ST8SIA5: variants seen among roughly 807,000 people sequenced by gnomAD.
ST8SIA5 encodes the protein alpha-2,8-sialyltransferase 8E.
In ST8SIA5, 24 loss-of-function variants were observed where a neutral mutation model predicts 40.2. That is an observed-to-expected ratio of 0.60 (90% CI 0.43 to 0.84). The LOEUF (loss-of-function observed/expected upper bound fraction) is 0.84, where lower values mean the gene tolerates loss of function less well. ST8SIA5 is among the 40% of genes least tolerant of loss of function. ST8SIA5 has a pLI of 0.00. For missense variants in ST8SIA5, 465 were observed against 498.5 expected, an observed-to-expected ratio of 0.93 and a Z score of 0.64; for synonymous variants, 198 against 201.8, an observed-to-expected ratio of 0.98 and a Z score of 0.16.
chr18:46,721,251 C>T (rs2039859710), intron 1 of ST8SIA5: 2 of 966,086 alleles, frequency 2.1e-6, no homozygotes, highest in African/African-American at 1.6e-5. Flanking sequence ...TTCGAGCCAC[C>T]AGAACAAGAC....
rs60349555 is a variant in ST8SIA5 at position 46,696,190 on chromosome 18, C to T, written c.225-3935G>A. Among the ~76,000 whole-genome samples, 547 of 152,274 alleles carry T rather than the reference C, an allele frequency of 3.6e-3. 2 individuals carry two copies. The highest frequency in any genetic ancestry group is 0.013 in the African/African-American group (526 of 41,554). The stretch of plus-strand genomic sequence containing the variant: ...CCCCAGCCTGGCAGCTTTCCTCCTC[C>T]CACCCTGGCTGACAGAAGGCAAACC... On this transcript the variant is annotated intron_variant, in intron 2 of 6. Transcript: ENST00000315087.
At chr18:46,752,572 G>A (rs1474944133) in intron 1 of ST8SIA5, among the ~76,000 whole-genome samples, 1 of 152,146 alleles carries the variant, frequency 6.6e-6, no homozygotes, top group Non-Finnish European at 1.5e-5. Context: ...CCTGACCAAG[G>A]GAGGTGCTGC....
intron 2 of ST8SIA5, among the ~76,000 whole-genome samples, chr18:46,699,661 GA>G (rs1421768215): frequency 6.6e-6 from 1 of 152,154 alleles, no homozygotes; most frequent in Non-Finnish European, 1.5e-5. Context: ...TTACAGGCAT[GA>G]GCCACCGCGC....
rs191006323 is a variant in ST8SIA5, at chr18:46,678,536, G to A, written c.*1506C>T. On this transcript the variant is annotated 3_prime_UTR_variant, in exon 7 of 7. Transcript: ENST00000315087. ...ACGTGGGACTGGGTCTATAATCTCTGGGCCCTGCACCCCCAGAAGACACAG... is the reference window on the plus strand; with the variant it reads ...ACGTGGGACTGGGTCTATAATCTCTAGGCCCTGCACCCCCAGAAGACACAG... 6.0e-3 allele frequency: 915 copies of A among 152,398 alleles called. 23 individuals carry two copies. The highest frequency in any genetic ancestry group is 3.5e-3 in the Non-Finnish European group (235 of 68,102). The allele number at this position is 152,398 out of a possible 1,614,324, so 9.4% of individuals were successfully genotyped here.
intron 1 of ST8SIA5, among the ~76,000 whole-genome samples, chr18:46,743,599 T>C (rs1475554546): frequency 6.6e-6 from 1 of 152,168 alleles, no homozygotes; most frequent in Non-Finnish European, 1.5e-5. Flanking sequence ...TTGGTGTACC[T>C]GAAAGTGAGG....
chr18:46,685,961 A>G (rs565322501), intron 5 of ST8SIA5: 25 of 588,402 alleles, frequency 4.2e-5, no homozygotes, highest in Non-Finnish European at 5.8e-5. Flanking sequence ...CACATCTCCC[A>G]TTGTGCAGAT....
chr18:46,686,259 T>C lies in ST8SIA5; in HGVS notation c.484A>G (p.Lys162Glu), dbSNP rs1224975946. 1 of 1,614,098 alleles carries C rather than the reference T, an allele frequency of 6.2e-7. No individual in the cohort carries two copies. The highest frequency in any genetic ancestry group is 1.1e-5 in the South Asian group (1 of 91,066). ...CCGTTGCCCACTACAGCACACTTCTTAAACTGGGACCGGTAGTAGGGCATG... is the reference window on the plus strand; with the variant it reads ...CCGTTGCCCACTACAGCACACTTCTCAAACTGGGACCGGTAGTAGGGCATG... ...KDMPYYRSQF[K>E]KCAVVGNGGI... is the part of the protein sequence containing the mutation. Residue 162 changes from lysine to glutamate, a missense_variant, in exon 5 of 7, where the codon AAG becomes GAG. Transcript: ENST00000315087.
Position 46,682,053 on chromosome 18 carries a change from GGCAGGTT to G in ST8SIA5, c.574_580del (p.Asn192ProfsTer13). 6.2e-7 allele frequency: 1 copy of G among 1,607,988 alleles called. No homozygotes were observed. The highest frequency in any genetic ancestry group is 8.5e-7 in the Non-Finnish European group (1 of 1,177,722). ...CATGGTGTACTTCTCTGAGATGGGG[GGCAGGTT>G]GCACCTGCAGAAGAGAAAAGGCAGC... On this transcript the variant is annotated frameshift_variant, in exon 6 of 7. Coordinates refer to ENST00000315087, the MANE Select transcript of ST8SIA5 (RefSeq NM_013305.6). LOFTEE classifies it high-confidence loss of function.
chr18:46,673,158 T>C lies in ST8SIA5; in HGVS notation c.*6884A>G, dbSNP rs913010256. On this transcript the variant is annotated 3_prime_UTR_variant, in exon 7 of 7. Coordinates refer to ENST00000315087, the MANE Select transcript of ST8SIA5 (RefSeq NM_013305.6). ...GTTCCAGAGACAGAATATACAACAG[T>C]GTGAATGTACTTACCATTACTGAAC... 5.3e-5 allele frequency: 8 copies of C among 152,338 alleles called. No individual in the cohort carries two copies. The South Asian group carries it at 1.7e-3, about 32-fold the overall frequency. The allele number at this position is 152,338 out of a possible 1,614,324, so 9.4% of individuals were successfully genotyped here.
At chr18:46,718,180 A>G (rs1437123021) in intron 1 of ST8SIA5, among the ~76,000 whole-genome samples, 5 of 152,088 alleles carry the variant, frequency 3.3e-5, no homozygotes, top group Non-Finnish European at 7.4e-5. Context: ...AATTACAAAA[A>G]TTAGCCGGCG....
At chr18:46,720,824 T>C (rs932307519) in intron 1 of ST8SIA5, among the ~76,000 whole-genome samples, 1 of 152,074 alleles carries the variant, frequency 6.6e-6, no homozygotes, top group African/African-American at 2.4e-5. Flanking sequence ...TCAACAAATA[T>C]TACTGATCAA....
chr18:46,683,009 G>T (rs1275985207), intron 5 of ST8SIA5, among the ~76,000 whole-genome samples: 1 of 152,190 alleles, frequency 6.6e-6, no homozygotes, highest in African/African-American at 2.4e-5. Context: ...AATCTGTGTT[G>T]TTTAAACCAC....
intron 1 of ST8SIA5, among the ~76,000 whole-genome samples, chr18:46,719,708 C>T (rs5018097): frequency 0.042 from 441 of 10,572 alleles, 1 homozygote; most frequent in East Asian, 0.099. Context: ...CTTTCTTTCT[C>T]TCTTTCTTTC....
intron 1 of ST8SIA5, among the ~76,000 whole-genome samples, chr18:46,734,667 T>A (rs1460356607): frequency 6.6e-6 from 1 of 152,158 alleles, no homozygotes; most frequent in Non-Finnish European, 1.5e-5. Flanking sequence ...GCATCCTTCC[T>A]TCTAAGGTGA....
At position 46,673,062 on chromosome 18, in the gene ST8SIA5, G is replaced by A. The variant is rs894436207; in HGVS notation, c.*6980C>T. ...AGAAAGTAGAATTGCGATTGCCAGGGGCTGGGGAAGGGGGAAGTGAAGACT... is the reference window on the plus strand; with the variant it reads ...AGAAAGTAGAATTGCGATTGCCAGGAGCTGGGGAAGGGGGAAGTGAAGACT... On this transcript the variant is annotated 3_prime_UTR_variant, in exon 7 of 7. Coordinates refer to ENST00000315087, the MANE Select transcript of ST8SIA5 (RefSeq NM_013305.6). 1.3e-5 allele frequency: 2 copies of A among 152,186 alleles called. No homozygotes were observed. Among genetic ancestry groups the A allele is most frequent in the Non-Finnish European group, 2.9e-5 (2 of 68,046 alleles). 9.4% of individuals were successfully genotyped at this position (152,186 alleles called of 1,614,324 possible). A position where few individuals can be genotyped will look rare whatever the true frequency, so the allele number is the denominator to read the frequency against.
At chr18:46,701,129 CCTT>C (rs2039610123) in intron 2 of ST8SIA5, among the ~76,000 whole-genome samples, 1 of 97,584 alleles carries the variant, frequency 1.0e-5, no homozygotes, top group African/African-American at 3.8e-5. Context: ...GGAGATAGGG[CCTT>C]TTTTTTTTTT....
At chr18:46,700,723 A>G (rs1052651989) in intron 2 of ST8SIA5, among the ~76,000 whole-genome samples, 1 of 152,130 alleles carries the variant, frequency 6.6e-6, no homozygotes, top group Admixed American at 6.5e-5. Context: ...ATGGCTGCTC[A>G]CCCTAGGAGC....
In ST8SIA5 at chr18:46,725,973, ATATATAT is replaced by A. The variant is rs1337315764; in HGVS notation, c.132-21316_132-21310del. 4.9e-3 allele frequency among the ~76,000 whole-genome samples: 124 copies of A among 25,076 alleles called. 12 individuals are homozygous for A. The highest frequency in any genetic ancestry group is 0.045 in the East Asian group (31 of 682). 16.5% of individuals were successfully genotyped at this position (25,076 alleles called of 152,430 possible). On this transcript the variant is annotated intron_variant, in intron 1 of 6. Coordinates refer to ENST00000315087, the MANE Select transcript of ST8SIA5 (RefSeq NM_013305.6). ...CCATCTCTACTTAAAAAAAAAAAAA[ATATATAT>A]ATATATATATATATATATATATATA... is the stretch of plus-strand genomic sequence containing the variant.
intron 2 of ST8SIA5, among the ~76,000 whole-genome samples, chr18:46,698,467 C>T (rs1474599457): frequency 6.6e-6 from 1 of 152,042 alleles, no homozygotes; most frequent in Non-Finnish European, 1.5e-5. Flanking sequence ...CAACAACCCA[C>T]CACACCAACA....
Sources: allele counts gnomAD v4.1 joint callset (sites outside exome capture counted in the v4.1 genomes callset), GRCh38; gene constraint gnomAD v4.1.1; transcripts MANE v1.5; gene names NCBI Gene and HGNC (gene_info 2026-07-23, HGNC 2026-07-21).